The following COX10 variants were observed in gnomAD, a reference collection of about 807,000 sequenced individuals.
COX10 encodes protoheme IX farnesyltransferase, mitochondrial.
In COX10, 27 loss-of-function variants were observed where a neutral mutation model predicts 37.3. That is an observed-to-expected ratio of 0.72 (90% confidence interval 0.53 to 1.00). COX10 has a LOEUF of 1.00. COX10 is among the 50% of genes least tolerant of loss of function. COX10 has a pLI of 0.00. For synonymous variants in COX10, 222 were observed against 229.1 expected (o/e 0.97, Z 0.28); for missense variants, 475 against 563.2 (o/e 0.84, Z 1.59).
In COX10 at chr17:14,208,293, G is replaced by C. The variant is rs1273785029; in HGVS notation, c.*1080G>C. 6.6e-6 allele frequency: 1 copy of C among 152,072 alleles called. No individual in the cohort carries two copies. Among genetic ancestry groups the C allele is most frequent in the Non-Finnish European group, 1.5e-5 (1 of 67,994 alleles). The allele number at this position is 152,072 out of a possible 1,614,324, so 9.4% of individuals were successfully genotyped here. A position where few individuals can be genotyped will look rare whatever the true frequency, so the allele number is the denominator to read the frequency against. On this transcript the variant is annotated 3_prime_UTR_variant, in exon 7 of 7. Coordinates refer to ENST00000261643, the MANE Select transcript of COX10 (RefSeq NM_001303.4). ...GGTGTGGTCTCGGTTACCAAATACG[G>C]TTACCTGCAGCTTTTTAGTCCTTTG...
At chr17:14,076,454 C>G (rs1466446932) in intron 2 of COX10, among the ~76,000 whole-genome samples, 1 of 150,778 alleles carries the variant, frequency 6.6e-6, no homozygotes, top group Non-Finnish European at 1.5e-5. Context: ...AGATGAATAA[C>G]AAGTAAATTT....
chr17:14,179,856 G>A (rs1021710819), intron 5 of COX10, among the ~76,000 whole-genome samples: 9 of 151,436 alleles, frequency 5.9e-5, no homozygotes, highest in African/African-American at 1.9e-4. Flanking sequence ...GAGATTGCAC[G>A]ATAAGAGCAG....
At chr17:14,096,364 G>GTTTT (rs56369104) in intron 3 of COX10, among the ~76,000 whole-genome samples, 143 of 128,678 alleles carry the variant, frequency 1.1e-3, no homozygotes, top group African/African-American at 4.0e-3. Flanking sequence ...ATGTAGGTGT[G>GTTTT]TTTTTTTTTT....
chr17:14,074,750 T>G (rs1567585143), intron 2 of COX10, among the ~76,000 whole-genome samples: 1 of 152,250 alleles, frequency 6.6e-6, no homozygotes. Flanking sequence ...GCTGAACTGT[T>G]GTGATACATC....
intron 4 of COX10, among the ~76,000 whole-genome samples, chr17:14,159,207 T>C (rs1361508857): frequency 1.3e-5 from 2 of 152,172 alleles, no homozygotes; most frequent in Non-Finnish European, 2.9e-5. Flanking sequence ...ATTACCTTCA[T>C]TGCAGTATAA....
At chr17:14,161,204 C>CCAA in intron 5 of COX10, among the ~76,000 whole-genome samples, 1 of 152,174 alleles carries the variant, frequency 6.6e-6, no homozygotes, top group Admixed American at 6.5e-5. Context: ...GGGGCCTTAG[C>CCAA]TGTTGTAATT....
intron 4 of COX10, among the ~76,000 whole-genome samples, chr17:14,140,952 A>T (rs1904523261): frequency 6.6e-6 from 1 of 152,180 alleles, no homozygotes; most frequent in African/African-American, 2.4e-5. Flanking sequence ...AATTATTAAA[A>T]CTATCATTTT....
At chr17:14,071,916 A>T (rs941147527) in intron 1 of COX10, among the ~76,000 whole-genome samples, 4 of 151,926 alleles carry the variant, frequency 2.6e-5, no homozygotes, top group African/African-American at 9.7e-5. Flanking sequence ...TAAAAAAAAA[A>T]TTAAAAATGT....
At chr17:14,190,902 C>T (rs1906180525) in intron 5 of COX10, among the ~76,000 whole-genome samples, 3 of 152,222 alleles carry the variant, frequency 2.0e-5, no homozygotes, top group Admixed American at 6.5e-5. Context: ...TAAAGTCTGC[C>T]TCTCTAGGGA....
intron 4 of COX10, among the ~76,000 whole-genome samples, chr17:14,111,478 A>C (rs1897311397): frequency 6.6e-6 from 1 of 152,132 alleles, no homozygotes; most frequent in Non-Finnish European, 1.5e-5. Context: ...TTATACTTTA[A>C]AATATACTGT....
chr17:14,161,275 A>G (rs1291523918), intron 5 of COX10, among the ~76,000 whole-genome samples: 2 of 152,246 alleles, frequency 1.3e-5, no homozygotes, highest in African/African-American at 4.8e-5. Context: ...AGTCCCAAAT[A>G]TTGAAGTCTC....
chr17:14,134,974 T>G (rs1310343567), intron 4 of COX10, among the ~76,000 whole-genome samples: 1 of 151,734 alleles, frequency 6.6e-6, no homozygotes, highest in Non-Finnish European at 1.5e-5. Flanking sequence ...TCTGTCTAAA[T>G]GGCCAAAGCA....
At chr17:14,175,083 C>CGGGGGGGGGGGGGGGGGG (rs551562401) in intron 5 of COX10, among the ~76,000 whole-genome samples, 1 of 16,362 alleles carries the variant, frequency 6.1e-5, no homozygotes, top group African/African-American at 9.3e-5. Flanking sequence ...TGGGAAATAG[C>CGGGGGGGGGGGGGGGGGG]GGGGGGGGGG....
intron 3 of COX10, among the ~76,000 whole-genome samples, chr17:14,095,153 A>G (rs1915616177): frequency 6.6e-6 from 1 of 152,208 alleles, no homozygotes; most frequent in African/African-American, 2.4e-5. Flanking sequence ...AAGGAGAAAT[A>G]ATTTCCTGTC....
chr17:14,071,700 A>G (rs1287691193), intron 1 of COX10, among the ~76,000 whole-genome samples: 1 of 143,948 alleles, frequency 6.9e-6, no homozygotes, highest in Admixed American at 7.3e-5. Flanking sequence ...CCTGGTCAAC[A>G]TGGTGAAATG....
chr17:14,143,934 G>A (rs570299104), intron 4 of COX10, among the ~76,000 whole-genome samples: 3 of 152,268 alleles, frequency 2.0e-5, no homozygotes, highest in Admixed American at 6.5e-5. Context: ...GCCCACAAGC[G>A]TACAGTGCAG....
At chr17:14,078,922 C>T (rs531444237) in intron 3 of COX10, among the ~76,000 whole-genome samples, 18 of 152,222 alleles carry the variant, frequency 1.2e-4, no homozygotes, top group Admixed American at 5.9e-4. Context: ...CATATTTGTT[C>T]CCCCGCCTCC....
chr17:14,188,118 T>TTG (rs1906091199), intron 5 of COX10, among the ~76,000 whole-genome samples: 1 of 147,898 alleles, frequency 6.8e-6, no homozygotes, highest in Non-Finnish European at 1.5e-5. Context: ...TTTTTTTTTT[T>TTG]TTTGACACAA....
intron 4 of COX10, among the ~76,000 whole-genome samples, chr17:14,150,105 C>T (rs919241316): frequency 6.6e-6 from 1 of 152,084 alleles, no homozygotes; most frequent in Non-Finnish European, 1.5e-5. Context: ...AACCCCATCT[C>T]TACCAACAAT....
Sources: allele counts gnomAD v4.1 joint callset (sites outside exome capture counted in the v4.1 genomes callset), GRCh38; gene constraint gnomAD v4.1.1; transcripts MANE v1.5; gene names NCBI Gene and HGNC (gene_info 2026-07-23, HGNC 2026-07-21).